The following ADGRL3 variants were observed in gnomAD, a reference collection of about 807,000 sequenced individuals.
The protein encoded by ADGRL3 is calcium-independent alpha-latrotoxin receptor 3.
Under a neutral mutation model 153.5 loss-of-function variants are expected in ADGRL3, and 62 were observed. That is an observed-to-expected ratio of 0.40 (90% confidence interval 0.33 to 0.50). The LOEUF (loss-of-function observed/expected upper bound fraction) is 0.50, where lower values mean the gene tolerates loss of function less well. Among genes scored for constraint, ADGRL3 ranks in the 20% least tolerant of loss-of-function variants. The pLI, the probability that ADGRL3 is intolerant of heterozygous loss-of-function variation, is 0.47. For synonymous variants in ADGRL3, 710 were observed against 672.5 expected (o/e 1.06, Z -0.86); for missense variants, 1,641 against 1,859.4 (o/e 0.88, Z 2.16).
intron 2 of ADGRL3, among the ~76,000 whole-genome samples, chr4:61,437,283 T>TAA (rs5858700): frequency 6.6e-6 from 1 of 151,854 alleles, no homozygotes; most frequent in Non-Finnish European, 1.5e-5. Context: ...TAAATGCTGT[T>TAA]AAAAAAAATT....
At chr4:61,249,983 A>T (rs1462861406) in intron 1 of ADGRL3, among the ~76,000 whole-genome samples, 1 of 152,136 alleles carries the variant, frequency 6.6e-6, no homozygotes, top group Non-Finnish European at 1.5e-5. Context: ...TCTTATGATG[A>T]TCCACATTAA....
intron 8 of ADGRL3, among the ~76,000 whole-genome samples, chr4:61,761,511 G>A (rs1430364971): frequency 6.6e-6 from 1 of 152,152 alleles, no homozygotes; most frequent in African/African-American, 2.4e-5. Context: ...TATTGCCAGA[G>A]GCCAGGCATG....
rs149968705 is a variant in ADGRL3 at position 61,444,925 on chromosome 4, C to T, written c.-173-52196C>T. 1.7e-4 allele frequency among the ~76,000 whole-genome samples: 26 copies of T among 151,968 alleles called. No homozygotes were observed. In the East Asian group the frequency reaches 2.7e-3, roughly 16 times the overall value. On this transcript the variant is annotated intron_variant, in intron 2 of 26. Transcript: ENST00000683033. Reference sequence around the variant, plus strand: ...AAAATTACCTAGGTGTAGTGGTGTACGCCTGTAGTCCCAGCTACTCGGAGA... The same window carrying T: ...AAAATTACCTAGGTGTAGTGGTGTATGCCTGTAGTCCCAGCTACTCGGAGA...
intron 2 of ADGRL3, among the ~76,000 whole-genome samples, chr4:61,492,209 A>G (rs1357006750): frequency 6.6e-6 from 1 of 152,194 alleles, no homozygotes; most frequent in Non-Finnish European, 1.5e-5. Context: ...GACAAATATG[A>G]GTAAATATGC....
intron 2 of ADGRL3, among the ~76,000 whole-genome samples, chr4:61,407,261 A>G (rs978270881): frequency 2.0e-5 from 3 of 152,136 alleles, no homozygotes; most frequent in Non-Finnish European, 4.4e-5. Flanking sequence ...CATTAAAATT[A>G]TACTAAAGTA....
intron 13 of ADGRL3, among the ~76,000 whole-genome samples, chr4:61,926,573 A>G (rs1482916957): frequency 6.6e-6 from 1 of 152,194 alleles, no homozygotes; most frequent in Non-Finnish European, 1.5e-5. Flanking sequence ...GCCTTTAGCA[A>G]GTTACTTAAC....
intron 9 of ADGRL3, among the ~76,000 whole-genome samples, chr4:61,852,857 C>T (rs1189471372): frequency 6.6e-6 from 1 of 150,768 alleles, no homozygotes; most frequent in Non-Finnish European, 1.5e-5. Flanking sequence ...TTGTTTTTTA[C>T]ATGCAGCTGT....
chr4:61,767,201 G>A (rs544513286), intron 8 of ADGRL3, among the ~76,000 whole-genome samples: 1 of 152,134 alleles, frequency 6.6e-6, no homozygotes, highest in Non-Finnish European at 1.5e-5. Flanking sequence ...GGGAAGAAGA[G>A]CAGCAATGAG....
intron 1 of ADGRL3, among the ~76,000 whole-genome samples, chr4:61,368,547 G>A (rs1445238562): frequency 1.3e-5 from 2 of 151,702 alleles, no homozygotes; most frequent in East Asian, 1.9e-4. Flanking sequence ...GTAGATATGC[G>A]GCGTTATTTC....
At chr4:61,531,194 A>C (rs2098610766) in intron 4 of ADGRL3, among the ~76,000 whole-genome samples, 1 of 152,224 alleles carries the variant, frequency 6.6e-6, no homozygotes, top group Admixed American at 6.5e-5. Context: ...GTGTGTGTGT[A>C]TACGCATACA....
At chr4:61,337,455 G>A (rs562394272) in intron 1 of ADGRL3, among the ~76,000 whole-genome samples, 101 of 152,282 alleles carry the variant, frequency 6.6e-4, no homozygotes, top group Non-Finnish European at 1.2e-3. Context: ...GGTTGCTACA[G>A]CAGACTGGAG....
intron 8 of ADGRL3, among the ~76,000 whole-genome samples, chr4:61,811,759 C>G (rs2097625956): frequency 6.6e-6 from 1 of 152,034 alleles, no homozygotes; most frequent in South Asian, 2.1e-4. Context: ...TGCCATTTCT[C>G]TATTGCCACT....
At chr4:61,561,360 T>C (rs1449163660) in intron 4 of ADGRL3, among the ~76,000 whole-genome samples, 3 of 152,324 alleles carry the variant, frequency 2.0e-5, no homozygotes, top group African/African-American at 7.2e-5. Flanking sequence ...TGATCAAGAT[T>C]TAATTGCTTC....
intron 9 of ADGRL3, among the ~76,000 whole-genome samples, chr4:61,862,806 T>C (rs537041509): frequency 1.3e-5 from 2 of 152,080 alleles, no homozygotes; most frequent in Non-Finnish European, 2.9e-5. Context: ...TTCTGATGCT[T>C]GCGAAAGTTT....
At chr4:61,680,939 C>T (rs1031952255) in intron 6 of ADGRL3, among the ~76,000 whole-genome samples, 3 of 152,074 alleles carry the variant, frequency 2.0e-5, no homozygotes, top group South Asian at 4.1e-4. Context: ...ATACTTTTCT[C>T]TGTTCCTAGC....
At chr4:61,989,438 T>G (rs1210290412) in intron 19 of ADGRL3, among the ~76,000 whole-genome samples, 2 of 152,038 alleles carry the variant, frequency 1.3e-5, no homozygotes, top group Non-Finnish European at 2.9e-5. Flanking sequence ...AATGAAGAAG[T>G]ATTTGTTATT....
intron 6 of ADGRL3, among the ~76,000 whole-genome samples, chr4:61,680,906 CAA>C (rs1722200810): frequency 6.6e-6 from 1 of 152,040 alleles, no homozygotes; most frequent in African/African-American, 2.4e-5. Flanking sequence ...CTTTTCCTGA[CAA>C]AATTTGGAAC....
chr4:61,677,834 G>A (rs950023513), intron 6 of ADGRL3, among the ~76,000 whole-genome samples: 19 of 151,864 alleles, frequency 1.3e-4, no homozygotes, highest in African/African-American at 4.6e-4. Flanking sequence ...CCTCATTCAC[G>A]CTTATTAAAG....
intron 8 of ADGRL3, among the ~76,000 whole-genome samples, chr4:61,806,877 A>G (rs1296767377): frequency 6.6e-6 from 1 of 152,102 alleles, no homozygotes; most frequent in Admixed American, 6.6e-5. Context: ...AATGTGACAA[A>G]TAATTTTGTC....
Sources: allele counts gnomAD v4.1 joint callset (sites outside exome capture counted in the v4.1 genomes callset), GRCh38; gene constraint gnomAD v4.1.1; transcripts MANE v1.5; gene names NCBI Gene and HGNC (gene_info 2026-07-23, HGNC 2026-07-21).